The following MTHFD2L variants were observed in gnomAD, a reference collection of about 807,000 sequenced individuals.
The protein encoded by MTHFD2L is bifunctional methylenetetrahydrofolate dehydrogenase/cyclohydrolase 2, mitochondrial.
Under a neutral mutation model 34.9 loss-of-function variants are expected in MTHFD2L, and 29 were observed. The observed-to-expected ratio is 0.83, with a 90% CI of 0.62 to 1.13. The LOEUF (loss-of-function observed/expected upper bound fraction) is 1.13, where lower values mean the gene tolerates loss of function less well. Among genes scored for constraint, MTHFD2L ranks in the 50% most tolerant of loss-of-function variants. The pLI is 0.00. For synonymous variants in MTHFD2L, 167 were observed against 155.7 expected (o/e 1.07, Z -0.54); for missense variants, 481 against 446.5 (o/e 1.08, Z -0.70).
intron 3 of MTHFD2L, among the ~76,000 whole-genome samples, chr4:74,192,654 T>A (rs986539239): frequency 1.3e-5 from 2 of 152,170 alleles, no homozygotes; most frequent in Non-Finnish European, 2.9e-5. Flanking sequence ...AGTCGCTATC[T>A]CTTTCATCCT....
At chr4:74,271,159 G>A (rs1035663888) in intron 6 of MTHFD2L, among the ~76,000 whole-genome samples, 3 of 152,190 alleles carry the variant, frequency 2.0e-5, no homozygotes, top group Non-Finnish European at 4.4e-5. Flanking sequence ...TTGCTGTGCA[G>A]AAGCTCTTTA....
intron 3 of MTHFD2L, among the ~76,000 whole-genome samples, chr4:74,177,940 T>G (rs1452598092): frequency 6.6e-6 from 1 of 152,054 alleles, no homozygotes. Flanking sequence ...AATGAAATCC[T>G]GTCATTTGCT....
chr4:74,134,026 C>G (rs934401022), intron 1 of MTHFD2L, among the ~76,000 whole-genome samples: 3 of 152,156 alleles, frequency 2.0e-5, no homozygotes, highest in African/African-American at 4.8e-5. Flanking sequence ...CACCAGGCAT[C>G]AGCAGTATGA....
Position 74,158,349 on chromosome 4 carries a change from G to C in MTHFD2L, c.143+68G>C, listed in dbSNP as rs562309346. On this transcript the variant is annotated intron_variant, in intron 1 of 7. Transcript: ENST00000325278. Reference sequence around the variant, plus strand: ...GGAGGTCGGCGGGGGCGCGGGCGGCGCTCGCGCGCGTGGGGCCCAAGGCTC... The same window carrying C: ...GGAGGTCGGCGGGGGCGCGGGCGGCCCTCGCGCGCGTGGGGCCCAAGGCTC... 5.3e-6 allele frequency: 6 copies of C among 1,123,142 alleles called. No individual in the cohort carries two copies. In the South Asian group the frequency reaches 1.7e-4, roughly 31 times the overall value. 69.6% of individuals were successfully genotyped at this position (1,123,142 alleles called of 1,614,324 possible). A position where few individuals can be genotyped will look rare whatever the true frequency, so the allele number is the denominator to read the frequency against.
chr4:74,195,167 G>A (rs1733255766), intron 3 of MTHFD2L: 1 of 152,242 alleles, frequency 6.6e-6, no homozygotes, highest in Non-Finnish European at 1.5e-5. Context: ...GATGCTCACA[G>A]ATTGAGAGAA....
intron 6 of MTHFD2L, among the ~76,000 whole-genome samples, chr4:74,258,761 TA>T (rs1744336135): frequency 6.6e-6 from 1 of 152,162 alleles, no homozygotes; most frequent in African/African-American, 2.4e-5. Context: ...CATTCATCAT[TA>T]AAAATGAAAT....
At chr4:74,263,127 A>G (rs1238654522) in intron 6 of MTHFD2L, among the ~76,000 whole-genome samples, 1 of 151,686 alleles carries the variant, frequency 6.6e-6, no homozygotes, top group Admixed American at 6.6e-5. Flanking sequence ...ATGTATGTAT[A>G]TTTATGTGTG....
chr4:74,284,150 G>A (rs759996437), intron 7 of MTHFD2L, among the ~76,000 whole-genome samples: 1 of 152,142 alleles, frequency 6.6e-6, no homozygotes, highest in African/African-American at 2.4e-5. Context: ...CCCGTTAAAA[G>A]TAGGTAACAT....
intron 1 of MTHFD2L, among the ~76,000 whole-genome samples, chr4:74,143,235 G>A (rs769546326): frequency 9.2e-4 from 7 of 7,646 alleles, no homozygotes; most frequent in Non-Finnish European, 3.5e-3. Flanking sequence ...GTGACCAAGA[G>A]GAGCTGGAAA....
intron 6 of MTHFD2L, among the ~76,000 whole-genome samples, chr4:74,250,549 T>G (rs1743163772): frequency 6.6e-6 from 1 of 152,176 alleles, no homozygotes; most frequent in Non-Finnish European, 1.5e-5. Flanking sequence ...ATTCAGCAAA[T>G]TTCTATTGAA....
At chr4:74,165,889 T>A (rs1726584785) in intron 1 of MTHFD2L, among the ~76,000 whole-genome samples, 1 of 152,254 alleles carries the variant, frequency 6.6e-6, no homozygotes, top group Non-Finnish European at 1.5e-5. Flanking sequence ...CTTTTCAAAG[T>A]ACTTTTCTTT....
upstream of MTHFD2L, among the ~76,000 whole-genome samples, chr4:74,123,790 G>T (rs201055101): frequency 6.6e-6 from 1 of 151,724 alleles, no homozygotes; most frequent in Admixed American, 6.6e-5. Context: ...TTTTTCTTCC[G>T]ACTTTAAAGG....
At chr4:74,233,430 G>A (rs1049624167) in intron 6 of MTHFD2L, among the ~76,000 whole-genome samples, 3 of 152,138 alleles carry the variant, frequency 2.0e-5, no homozygotes, top group Non-Finnish European at 4.4e-5. Context: ...CAAAATGGAG[G>A]TAGTAATACT....
chr4:74,219,630 G>A (rs1242308841), intron 5 of MTHFD2L, among the ~76,000 whole-genome samples: 1 of 152,156 alleles, frequency 6.6e-6, no homozygotes, highest in African/African-American at 2.4e-5. Flanking sequence ...AAAGCTAGGT[G>A]TCAGGACCAG....
intron 1 of MTHFD2L, among the ~76,000 whole-genome samples, chr4:74,137,981 G>T (rs1723047493): frequency 6.6e-6 from 1 of 151,472 alleles, no homozygotes; most frequent in South Asian, 2.1e-4. Flanking sequence ...ATAAGAGAGG[G>T]GGGAAAAATA....
At chr4:74,172,068 G>C (rs1728123730) in intron 1 of MTHFD2L, among the ~76,000 whole-genome samples, 1 of 152,144 alleles carries the variant, frequency 6.6e-6, no homozygotes, top group Non-Finnish European at 1.5e-5. Flanking sequence ...GGCCAAAAAA[G>C]AGTATGTAGT....
chr4:74,126,880 T>C (rs1345476856), intron 1 of MTHFD2L, among the ~76,000 whole-genome samples: 1 of 152,156 alleles, frequency 6.6e-6, no homozygotes, highest in Non-Finnish European at 1.5e-5. Flanking sequence ...AAATCTCATC[T>C]TGAATTTCAG....
intron 7 of MTHFD2L, among the ~76,000 whole-genome samples, chr4:74,284,582 T>A (rs1325692387): frequency 2.0e-5 from 3 of 152,088 alleles, no homozygotes; most frequent in African/African-American, 7.2e-5. Context: ...TTCTGGATAT[T>A]AGCCCTTTAT....
At chr4:74,196,422 A>C (rs1329787848) in intron 3 of MTHFD2L, among the ~76,000 whole-genome samples, 1 of 152,170 alleles carries the variant, frequency 6.6e-6, no homozygotes, top group Non-Finnish European at 1.5e-5. Flanking sequence ...TGGTAAAGGT[A>C]TGGAACACAC....
Sources: gnomAD v4.1 joint callset for allele counts (sites outside exome capture counted in the v4.1 genomes callset) on GRCh38, gnomAD v4.1.1 for gene constraint, MANE v1.5 for transcripts, NCBI Gene and HGNC (gene_info 2026-07-23, HGNC 2026-07-21) for gene names.